Variants in JAK1 observed in about 807,000 individuals in gnomAD.
The protein encoded by JAK1 is Janus kinase 1.
In JAK1, 16 loss-of-function variants were observed where a neutral mutation model predicts 136.6. The observed-to-expected ratio is 0.12, with a 90% CI of 0.08 to 0.18. The LOEUF (loss-of-function observed/expected upper bound fraction) is 0.18. Ranked by LOEUF, JAK1 falls within the 10% of genes least tolerant of loss-of-function variation. JAK1 has a pLI of 1.00. For synonymous variants in JAK1, 492 were observed against 519.5 expected (o/e 0.95, Z 0.72); for missense variants, 859 against 1,450.1 (o/e 0.59, Z 6.62).
At chr1:64,940,382 T>A (rs61784750) in intron 1 of JAK1, among the ~76,000 whole-genome samples, 2,265 of 147,950 alleles carry the variant, frequency 0.015, 26 homozygotes, top group Non-Finnish European at 0.022. Flanking sequence ...AGTGGCACAA[T>A]CTCCACTCAC....
intron 2 of JAK1, among the ~76,000 whole-genome samples, chr1:65,026,230 C>T (rs1287767461): frequency 2.0e-5 from 3 of 152,146 alleles, no homozygotes; most frequent in Admixed American, 2.0e-4. Flanking sequence ...TGAACCATTA[C>T]CTTATTGAGC....
At chr1:64,920,237 C>T (rs1169365013) in intron 1 of JAK1, among the ~76,000 whole-genome samples, 1 of 152,158 alleles carries the variant, frequency 6.6e-6, no homozygotes, top group Non-Finnish European at 1.5e-5. Flanking sequence ...ACAAAATGAA[C>T]TGTAATTTAA....
chr1:64,949,968 C>T lies in JAK1; in HGVS notation c.-78+16365G>A, dbSNP rs1333310326. Among the ~76,000 whole-genome samples the T allele has an allele frequency of 7.9e-5, 12 of 152,100 alleles. No individual in the cohort carries two copies. In the East Asian group the frequency reaches 2.1e-3, roughly 27 times the overall value. Reference sequence around the variant, plus strand: ...CATTCAAAAATGATTATTACAAAGACTCTATTAAAATAGAATAAAAAAGTT... The same window carrying T: ...CATTCAAAAATGATTATTACAAAGATTCTATTAAAATAGAATAAAAAAGTT... On this transcript the variant is annotated intron_variant, in intron 1 of 24. Transcript: ENST00000342505.
intron 1 of JAK1, among the ~76,000 whole-genome samples, chr1:64,911,534 G>C (rs994917822): frequency 1.3e-4 from 20 of 152,140 alleles, no homozygotes; most frequent in Non-Finnish European, 1.6e-4. Context: ...ATGCCAAAAA[G>C]ATGACTGAAG....
intron 11 of JAK1, 49 bp downstream of exon 11, chr1:64,855,460 A>C (rs779195433): frequency 1.9e-6 from 3 of 1,570,986 alleles, no homozygotes; most frequent in Non-Finnish European, 2.6e-6. Context: ...TCTGGGTCTC[A>C]GCACATTACT....
At chr1:64,834,706 T>A (rs201182888) in intron 24 of JAK1, 49 bp from the exon 25 acceptor site, 23 of 1,200,070 alleles carry the variant, frequency 1.9e-5, no homozygotes, top group Middle Eastern at 2.2e-4. Flanking sequence ...ATCTGGGAAC[T>A]TTAAAAAATA....
At chr1:64,857,592 G>C (rs1656020033) in intron 10 of JAK1, 64 bp downstream of exon 10, 1 of 1,595,210 alleles carries the variant, frequency 6.3e-7, no homozygotes, top group Admixed American at 1.7e-5. Context: ...AGCAGCTCCT[G>C]AACCAGGCTA....
intron 1 of JAK1, among the ~76,000 whole-genome samples, chr1:65,052,279 C>T (rs1410140267): frequency 1.3e-5 from 2 of 152,010 alleles, no homozygotes; most frequent in Non-Finnish European, 2.9e-5. Context: ...CAGTGGGAAT[C>T]CTTACACTCA....
At chr1:64,850,634 A>T (rs894035634) in intron 12 of JAK1, among the ~76,000 whole-genome samples, 170 bp downstream of exon 12, 1 of 152,242 alleles carries the variant, frequency 6.6e-6, no homozygotes, top group African/African-American at 2.4e-5. Flanking sequence ...AGCAAGGGTG[A>T]AGAGGATGGA....
intron 2 of JAK1, among the ~76,000 whole-genome samples, chr1:64,986,639 T>C (rs1370048637): frequency 6.6e-6 from 1 of 151,656 alleles, no homozygotes; most frequent in Non-Finnish European, 1.5e-5. Context: ...ATGTCTGTAA[T>C]CCCAGCACTT....
intron 1 of JAK1, among the ~76,000 whole-genome samples, chr1:64,949,839 T>C (rs917712939): frequency 1.3e-5 from 2 of 152,158 alleles, no homozygotes; most frequent in African/African-American, 2.4e-5. Context: ...ATGCTAATTG[T>C]GTGTTTTTAA....
intron 1 of JAK1, among the ~76,000 whole-genome samples, chr1:64,913,198 A>G (rs1451546232): frequency 6.6e-6 from 1 of 151,888 alleles, no homozygotes; most frequent in Non-Finnish European, 1.5e-5. Context: ...TAATTTTTCT[A>G]TTTTTTTGTA....
At chr1:65,040,667 C>T (rs908241045) in intron 2 of JAK1, among the ~76,000 whole-genome samples, 1 of 152,182 alleles carries the variant, frequency 6.6e-6, no homozygotes, top group Admixed American at 6.6e-5. Context: ...TCCCCCTGTG[C>T]TCTGGATTTC....
chr1:65,042,572 G>C (rs1478023591), intron 2 of JAK1, among the ~76,000 whole-genome samples: 1 of 152,124 alleles, frequency 6.6e-6, no homozygotes, highest in Non-Finnish European at 1.5e-5. Flanking sequence ...GCCGAAGGTT[G>C]TCCTGGCCAC....
intron 1 of JAK1, among the ~76,000 whole-genome samples, chr1:64,908,393 C>G (rs1046144058): frequency 5.3e-5 from 8 of 152,160 alleles, no homozygotes; most frequent in African/African-American, 1.9e-4. Flanking sequence ...TTGTGCCATT[C>G]CTTTTTACAT....
At chr1:64,863,150 G>A (rs1337912503) in intron 8 of JAK1, among the ~76,000 whole-genome samples, 1 of 151,266 alleles carries the variant, frequency 6.6e-6, no homozygotes, top group African/African-American at 2.4e-5. Flanking sequence ...CATATAACAC[G>A]GGGCCTAATA....
At chr1:64,907,818 G>C (rs571380049) in intron 1 of JAK1, among the ~76,000 whole-genome samples, 33 of 152,278 alleles carry the variant, frequency 2.2e-4, no homozygotes, top group African/African-American at 7.2e-4. Flanking sequence ...ACATACTACT[G>C]AAACGCACAT....
chr1:64,888,085 C>T (rs948767777), intron 1 of JAK1, among the ~76,000 whole-genome samples: 1 of 152,164 alleles, frequency 6.6e-6, no homozygotes, highest in Non-Finnish European at 1.5e-5. Flanking sequence ...CCTTTTAGGA[C>T]AGGAAGAGAA....
At chr1:64,914,986 A>G (rs1272395293) in intron 1 of JAK1, among the ~76,000 whole-genome samples, 1 of 152,176 alleles carries the variant, frequency 6.6e-6, no homozygotes, top group African/African-American at 2.4e-5. Context: ...AAGCTCTCTG[A>G]TTTTTTAAGT....
Sources: allele counts gnomAD v4.1 joint callset (sites outside exome capture counted in the v4.1 genomes callset), GRCh38; gene constraint gnomAD v4.1.1; transcripts MANE v1.5; gene names NCBI Gene and HGNC (gene_info 2026-07-23, HGNC 2026-07-21).